LRRC9: variants seen among roughly 807,000 people sequenced by gnomAD.
LRRC9 encodes leucine-rich repeat-containing protein 9.
LRRC9 carries 122 observed loss-of-function variants against 63.2 expected under a neutral mutation model. The observed-to-expected ratio is 1.93, with a 90% CI of 1.67 to 2.24. The LOEUF (loss-of-function observed/expected upper bound fraction) is 2.24, where lower values mean the gene tolerates loss of function less well. LRRC9 is among the 30% of genes most tolerant of loss of function. The pLI, the probability that LRRC9 is intolerant of heterozygous loss-of-function variation, is 0.00. For synonymous variants in LRRC9, 366 were observed against 213.1 expected (o/e 1.72, Z -6.25); for missense variants, 1,071 against 627.7 (o/e 1.71, Z -7.55).
chr14:59,925,203 T>C (rs768570099), intron 1 of LRRC9, among the ~76,000 whole-genome samples: 1 of 152,186 alleles, frequency 6.6e-6, no homozygotes, highest in Non-Finnish European at 1.5e-5. Context: ...CATCCCTCCT[T>C]CTTGACTCAG....
chr14:59,998,147 T>C, intron 18 of LRRC9, among the ~76,000 whole-genome samples: 1 of 152,048 alleles, frequency 6.6e-6, no homozygotes, highest in East Asian at 1.9e-4. Flanking sequence ...TTTTATATAG[T>C]TCAGTGTGCC....
chr14:59,943,793 T>C (rs899561893), intron 7 of LRRC9, among the ~76,000 whole-genome samples: 2 of 152,020 alleles, frequency 1.3e-5, no homozygotes, highest in African/African-American at 4.8e-5. Flanking sequence ...CACTCCATAC[T>C]AAGTAAATTT....
At chr14:60,036,860 C>A (rs1244227919) in intron 29 of LRRC9, among the ~76,000 whole-genome samples, 2 of 152,058 alleles carry the variant, frequency 1.3e-5, no homozygotes, top group Non-Finnish European at 2.9e-5. Context: ...TGGTGTGCTG[C>A]ACCCGTTAAC....
At chr14:59,977,930 G>C (rs1174399389) in intron 14 of LRRC9, 87 bp from the exon 15 acceptor site, 1 of 561,842 alleles carries the variant, frequency 1.8e-6, no homozygotes, top group East Asian at 3.0e-5. Flanking sequence ...TATTGAGTTT[G>C]TTAATTATTA....
At chr14:59,976,893 A>G (rs949926869) in intron 13 of LRRC9, among the ~76,000 whole-genome samples, 11 of 152,194 alleles carry the variant, frequency 7.2e-5, no homozygotes, top group African/African-American at 2.4e-4. Context: ...CTGAACTTTT[A>G]CCCAGTTAAC....
chr14:59,988,757 T>A (rs2140135463), intron 17 of LRRC9, among the ~76,000 whole-genome samples: 1 of 152,264 alleles, frequency 6.6e-6, no homozygotes, highest in East Asian at 1.9e-4. Flanking sequence ...AATTGTATAT[T>A]TACTTCTCAT....
intron 8 of LRRC9, among the ~76,000 whole-genome samples, chr14:59,954,357 T>C (rs955681949): frequency 1.3e-5 from 2 of 151,710 alleles, no homozygotes; most frequent in Non-Finnish European, 3.0e-5. Flanking sequence ...GGTTTGTAGT[T>C]CTTGAAGAGG....
intron 13 of LRRC9, among the ~76,000 whole-genome samples, chr14:59,976,127 C>A (rs2140067870): frequency 6.6e-6 from 1 of 152,344 alleles, no homozygotes; most frequent in Middle Eastern, 3.4e-3. Context: ...CACTTGTCTC[C>A]CAACACCCCC....
At chr14:60,012,936 TTTTA>T (rs141284376) in intron 23 of LRRC9, among the ~76,000 whole-genome samples, 110,161 of 149,358 alleles carry the variant, frequency 0.74, 43,090 homozygotes, top group Non-Finnish European at 0.87. Flanking sequence ...TTTTGTACAA[TTTTA>T]TTTATTTATT....
intron 8 of LRRC9, among the ~76,000 whole-genome samples, chr14:59,946,693 T>A (rs1350509702): frequency 7.1e-6 from 1 of 141,444 alleles, no homozygotes; most frequent in East Asian, 2.1e-4. Context: ...AGTGTGATAT[T>A]CCCCTTCCTG....
rs1184730409 is a variant in LRRC9 at position 59,964,186 on chromosome 14, G to C, written c.1212-2403G>C. Among the ~76,000 whole-genome samples, 2 of 152,162 alleles carry C rather than the reference G, an allele frequency of 1.3e-5. No individual in the cohort carries two copies. Among genetic ancestry groups the C allele is most frequent in the Non-Finnish European group, 2.9e-5 (2 of 68,016 alleles). Reference sequence around the variant, plus strand: ...TGAAGAGTCTGAATGTAATTTGGAAGGTAACAAATGGCTGCAAAGGCTTTT... The same window carrying C: ...TGAAGAGTCTGAATGTAATTTGGAACGTAACAAATGGCTGCAAAGGCTTTT... On this transcript the variant is annotated intron_variant, in intron 10 of 31. Coordinates refer to ENST00000445360, the Ensembl canonical transcript of LRRC9. This position sits in a 1 kb window ranked among gnomAD's most constrained non-coding sequence, Gnocchi z 4.4.
At position 60,001,963 on chromosome 14, in the gene LRRC9, T is replaced by C. The variant is rs114080546; in HGVS notation, c.2530-3T>C. 1.2e-3 allele frequency: 750 copies of C among 642,196 alleles called. 8 individuals are homozygous for C. The African/African-American group carries it at 0.012, about 11-fold the overall frequency. The allele number at this position is 642,196 out of a possible 1,614,324, so 39.8% of individuals were successfully genotyped here. On this transcript the variant is annotated splice_polypyrimidine_tract_variant and splice_region_variant and intron_variant, in intron 19 of 31. Coordinates refer to ENST00000445360, the Ensembl canonical transcript of LRRC9. ...TTTCACTGTATTTTTTAAATTTTAT[T>C]AGTTATCTCTCTTACGGCATTCTAG... is the stretch of plus-strand genomic sequence containing the variant.
At chr14:59,995,707 A>C (rs909631693) in intron 17 of LRRC9, among the ~76,000 whole-genome samples, 1 of 147,206 alleles carries the variant, frequency 6.8e-6, no homozygotes, top group Admixed American at 7.0e-5. Context: ...CCTGTTTTCA[A>C]GGGGTGGAAG....
In LRRC9 at chr14:59,966,705, G is replaced by C. The variant is rs1458867317; in HGVS notation, c.1328G>C (p.Arg443Thr). Residue 443 changes from arginine to threonine, a missense_variant, in exon 11 of 32, where the codon AGA becomes ACA. By Grantham distance (71) the Arg-to-Thr change is moderately conservative. Coordinates refer to ENST00000445360, the Ensembl canonical transcript of LRRC9. This position sits in a 1 kb window ranked among gnomAD's most constrained non-coding sequence, Gnocchi z 4.0. ...ATTAAAGTTAACAACCGTATTCTGA[G>C]ACTAAAATTCGAAGAGAAATTTCAA... 1.4e-6 allele frequency: 1 copy of C among 691,348 alleles called. No homozygotes were observed. Among genetic ancestry groups the C allele is most frequent in the African/African-American group, 1.8e-5 (1 of 56,722 alleles). The allele number at this position is 691,348 out of a possible 1,614,324, so 42.8% of individuals were successfully genotyped here. A position where few individuals can be genotyped will look rare whatever the true frequency, so the allele number is the denominator to read the frequency against.
intron 16 of LRRC9, among the ~76,000 whole-genome samples, chr14:59,984,094 T>C (rs1328315954): frequency 6.6e-6 from 1 of 152,214 alleles, no homozygotes; most frequent in Admixed American, 6.5e-5. Flanking sequence ...TGATCAACAG[T>C]ATGTTAGATA....
rs58268718 is a variant in LRRC9 at position 60,031,563 on chromosome 14, G to A, written c.3922-432G>A. The stretch of plus-strand genomic sequence containing the variant: ...ATATTCCCAGCAAGTACATCAAGAC[G>A]CAATCCACTCAATATTACACATTCC... On this transcript the variant is annotated intron_variant, in intron 28 of 31. Transcript: ENST00000445360. This position sits in a 1 kb window ranked among gnomAD's most constrained non-coding sequence, Gnocchi z 4.6. Among the ~76,000 whole-genome samples, 482 of 152,078 alleles carry A rather than the reference G, an allele frequency of 3.2e-3. 3 individuals carry two copies. The highest frequency in any genetic ancestry group is 0.011 in the African/African-American group (459 of 41,524).
In LRRC9 at chr14:60,003,889, G is replaced by T; in HGVS notation, c.2842+91G>T. 1 of 519,410 alleles carries T rather than the reference G, an allele frequency of 1.9e-6. No homozygotes were observed. Among genetic ancestry groups the T allele is most frequent in the Non-Finnish European group, 3.4e-6 (1 of 296,806 alleles). 32.2% of individuals were successfully genotyped at this position (519,410 alleles called of 1,614,324 possible). ...CCCTGGGAACAGAGTTTCTGAAGAG[G>T]AAGATCTCTAGGAAAGTTCCAAGTT... On this transcript the variant is annotated intron_variant, in intron 21 of 31. Coordinates refer to ENST00000445360, the Ensembl canonical transcript of LRRC9. This position sits in a 1 kb window ranked among gnomAD's most constrained non-coding sequence, Gnocchi z 4.2.
intron 7 of LRRC9, among the ~76,000 whole-genome samples, chr14:59,939,020 T>TAC (rs1555369217): frequency 0.014 from 2,077 of 146,638 alleles, 48 homozygotes; most frequent in African/African-American, 0.048. Context: ...TACACATATA[T>TAC]ATATACATAT....
intron 29 of LRRC9, among the ~76,000 whole-genome samples, chr14:60,041,985 G>T (rs970277327): frequency 2.0e-5 from 3 of 152,220 alleles, no homozygotes; most frequent in African/African-American, 4.8e-5. Context: ...ACCCTCAGCT[G>T]CAGGTCTGTT....
Sources: gnomAD v4.1 joint callset for allele counts (sites outside exome capture counted in the v4.1 genomes callset) on GRCh38, gnomAD v4.1.1 for gene constraint, Gnocchi (gnomAD v3.1) non-coding constraint, MANE v1.5 for transcripts, NCBI Gene and HGNC (gene_info 2026-07-23, HGNC 2026-07-21) for gene names.